NYAP2: variants seen among roughly 807,000 people sequenced by gnomAD.
NYAP2 encodes the protein neuronal tyrosine-phosphorylated phosphoinositide-3-kinase adaptor 2.
NYAP2 carries 23 observed loss-of-function variants against 50.4 expected under a neutral mutation model. The observed-to-expected ratio is 0.46, with a 90% confidence interval of 0.33 to 0.65. The LOEUF (loss-of-function observed/expected upper bound fraction) is 0.65, where lower values mean the gene tolerates loss of function less well. Ranked by LOEUF, NYAP2 falls within the 30% of genes least tolerant of loss-of-function variation. The pLI, the probability that NYAP2 is intolerant of heterozygous loss-of-function variation, is 0.02. For synonymous variants in NYAP2, 394 were observed against 365.2 expected (o/e 1.08, Z -0.90); for missense variants, 885 against 861.0 (o/e 1.03, Z -0.35).
chr2:225,552,228 A>T (rs1691690746), intron 4 of NYAP2, among the ~76,000 whole-genome samples: 1 of 152,166 alleles, frequency 6.6e-6, no homozygotes, highest in Non-Finnish European at 1.5e-5. Context: ...CCTCTATTAG[A>T]CCATGCCCAG....
At chr2:225,439,069 C>T (rs372456312) in intron 3 of NYAP2, among the ~76,000 whole-genome samples, 6 of 152,084 alleles carry the variant, frequency 3.9e-5, no homozygotes, top group Admixed American at 6.6e-5. Flanking sequence ...CAGGGTGAGG[C>T]GGTAACAGTT....
At chr2:225,532,217 C>A (rs1157850316) in intron 4 of NYAP2, among the ~76,000 whole-genome samples, 1 of 152,102 alleles carries the variant, frequency 6.6e-6, no homozygotes, top group African/African-American at 2.4e-5. Flanking sequence ...AGGGATCCAG[C>A]TTTTGAGCAG....
At position 225,447,827 on chromosome 2, in the gene NYAP2, T is replaced by C. The variant is rs957234631; in HGVS notation, c.221+38726T>C. On this transcript the variant is annotated intron_variant, in intron 3 of 6. Transcript: ENST00000636099. Reference sequence around the variant, plus strand: ...ATTCAATATTAGCAATTTGAACTTATAGCTCCCTGACCAAGAGATTATAAA... The same window carrying C: ...ATTCAATATTAGCAATTTGAACTTACAGCTCCCTGACCAAGAGATTATAAA... 3.3e-5 allele frequency among the ~76,000 whole-genome samples: 5 copies of C among 152,204 alleles called. 1 individual carries two copies. Among genetic ancestry groups the C allele is most frequent in the Admixed American group, 3.3e-4 (5 of 15,282 alleles).
the NYAP2 span, among the ~76,000 whole-genome samples, chr2:225,670,961 T>C: frequency 2.6e-5 from 4 of 152,108 alleles, no homozygotes; most frequent in African/African-American, 9.7e-5. Context: ...TTGCTAAAAA[T>C]GCTAACGATC....
chr2:225,578,893 A>G (rs1028435370), intron 4 of NYAP2, among the ~76,000 whole-genome samples: 6 of 152,148 alleles, frequency 3.9e-5, no homozygotes, highest in African/African-American at 1.4e-4. Flanking sequence ...TTTAAATTAG[A>G]GAAATTTTCT....
At chr2:225,448,996 G>A (rs1559182768) in intron 3 of NYAP2, among the ~76,000 whole-genome samples, 1 of 152,142 alleles carries the variant, frequency 6.6e-6, no homozygotes, top group Non-Finnish European at 1.5e-5. Context: ...AAAAATGTCT[G>A]TGTGGTATAG....
chr2:225,452,774 C>A (rs1002252798), intron 3 of NYAP2, among the ~76,000 whole-genome samples: 1 of 152,116 alleles, frequency 6.6e-6, no homozygotes, highest in Admixed American at 6.6e-5. Context: ...GTCATGCACG[C>A]GTACACCCCA....
intron 5 of NYAP2, among the ~76,000 whole-genome samples, 164 bp from the exon 6 acceptor site, chr2:225,626,753 C>A (rs925527979): frequency 2.0e-5 from 3 of 152,092 alleles, no homozygotes; most frequent in African/African-American, 4.8e-5. Flanking sequence ...GAAAAAAGGC[C>A]CCCTGGAGTC....
intron 6 of NYAP2, among the ~76,000 whole-genome samples, chr2:225,646,248 C>A (rs1485408317): frequency 1.3e-5 from 2 of 152,246 alleles, no homozygotes; most frequent in East Asian, 3.9e-4. Flanking sequence ...AAAAATCTCA[C>A]CATTTAAAAA....
chr2:225,473,076 G>A (rs1238513031), intron 3 of NYAP2, among the ~76,000 whole-genome samples: 1 of 152,138 alleles, frequency 6.6e-6, no homozygotes, highest in African/African-American at 2.4e-5. Flanking sequence ...TTTTGTCCTT[G>A]CAATAGTTTG....
intron 3 of NYAP2, among the ~76,000 whole-genome samples, chr2:225,492,569 T>C (rs1690428344): frequency 6.6e-6 from 1 of 152,218 alleles, no homozygotes; most frequent in Non-Finnish European, 1.5e-5. Flanking sequence ...CTTTCATTGA[T>C]AGAGAAATAC....
chr2:225,412,255 CTTTTTTTT>C lies in NYAP2; in HGVS notation c.221+3173_221+3180del, dbSNP rs560637948. On this transcript the variant is annotated intron_variant, in intron 3 of 6. Transcript: ENST00000636099. Reference sequence around the variant, plus strand: ...TACAGGCGTGAGCCACTGCGCCCGGCTTTTTTTTTTTTTTTTTTTTTTTTTTAACAAAA... The same window carrying C: ...TACAGGCGTGAGCCACTGCGCCCGGCTTTTTTTTTTTTTTTTTTAACAAAA... 1.2e-3 allele frequency among the ~76,000 whole-genome samples: 71 copies of C among 59,146 alleles called. 2 individuals are homozygous for C. Among genetic ancestry groups the C allele is most frequent in the South Asian group, 4.7e-3 (7 of 1,474 alleles). 38.8% of individuals were successfully genotyped at this position (59,146 alleles called of 152,430 possible).
intron 3 of NYAP2, among the ~76,000 whole-genome samples, chr2:225,487,215 C>T (rs987007375): frequency 6.6e-6 from 1 of 152,152 alleles, no homozygotes; most frequent in African/African-American, 2.4e-5. Flanking sequence ...AGTATTTCGG[C>T]AGGAAGTAAA....
chr2:225,513,080 A>G (rs1043255351), intron 3 of NYAP2, among the ~76,000 whole-genome samples: 2 of 152,198 alleles, frequency 1.3e-5, no homozygotes, highest in African/African-American at 2.4e-5. Flanking sequence ...AGTCATAGTC[A>G]TGGAATTCTT....
chr2:225,487,965 C>A (rs1267690455), intron 3 of NYAP2, among the ~76,000 whole-genome samples: 1 of 152,092 alleles, frequency 6.6e-6, no homozygotes, highest in Non-Finnish European at 1.5e-5. Flanking sequence ...GCTGACATTC[C>A]CAAAGTGCTT....
At chr2:225,435,044 C>A (rs1370104626) in intron 3 of NYAP2, among the ~76,000 whole-genome samples, 1 of 152,142 alleles carries the variant, frequency 6.6e-6, no homozygotes, top group African/African-American at 2.4e-5. Context: ...TTTATTTTAT[C>A]TCATGGTACT....
chr2:225,662,503 C>T, the NYAP2 span, among the ~76,000 whole-genome samples: 1 of 152,278 alleles, frequency 6.6e-6, no homozygotes, highest in Non-Finnish European at 1.5e-5. Flanking sequence ...TTCTGGACTT[C>T]CACAGAATCC....
At chr2:225,467,292 T>C (rs190476086) in intron 3 of NYAP2, among the ~76,000 whole-genome samples, 14 of 152,320 alleles carry the variant, frequency 9.2e-5, no homozygotes, top group African/African-American at 3.4e-4. Context: ...CGGAAGCCAC[T>C]GATCACCAGT....
chr2:225,470,926 C>T, intron 3 of NYAP2, among the ~76,000 whole-genome samples: 1 of 152,116 alleles, frequency 6.6e-6, no homozygotes, highest in East Asian at 1.9e-4. Context: ...GCTGGGAAGA[C>T]TTCCCACCTG....
Sources: gnomAD v4.1 joint callset for allele counts (sites outside exome capture counted in the v4.1 genomes callset) on GRCh38, gnomAD v4.1.1 for gene constraint, MANE v1.5 for transcripts, NCBI Gene and HGNC (gene_info 2026-07-23, HGNC 2026-07-21) for gene names.